NCKAP5: variants seen among roughly 807,000 people sequenced by gnomAD.
The protein encoded by NCKAP5 is NCK associated protein 5, also known as nck-associated protein 5.
Under a neutral mutation model 167.0 loss-of-function variants are expected in NCKAP5, and 92 were observed. The ratio of observed to expected loss-of-function variants is 0.55; its 90% CI spans 0.47 to 0.66. The LOEUF (loss-of-function observed/expected upper bound fraction) is 0.66. Ranked by LOEUF, NCKAP5 falls within the 30% of genes least tolerant of loss-of-function variation. The pLI, the probability that NCKAP5 is intolerant of heterozygous loss-of-function variation, is 0.00. For synonymous variants in NCKAP5, 891 were observed against 877.4 expected (o/e 1.02, Z -0.27); for missense variants, 2,378 against 2,315.0 (o/e 1.03, Z -0.56).
the NCKAP5 span, among the ~76,000 whole-genome samples, chr2:133,616,478 C>T: frequency 6.6e-6 from 1 of 150,802 alleles, no homozygotes. Flanking sequence ...ATATCACCAC[C>T]GATCCCACAG....
chr2:133,465,025 T>A (rs1368112588), intron 3 of NCKAP5, among the ~76,000 whole-genome samples: 3 of 151,902 alleles, frequency 2.0e-5, no homozygotes, highest in African/African-American at 7.3e-5. Flanking sequence ...TTTATTATTA[T>A]ACTTTAAGTT....
At chr2:133,306,522 A>G (rs1194104077) in intron 3 of NCKAP5, among the ~76,000 whole-genome samples, 1 of 152,230 alleles carries the variant, frequency 6.6e-6, no homozygotes, top group Non-Finnish European at 1.5e-5. Flanking sequence ...CATGTGAAGA[A>G]AGTTCTTTTT....
chr2:133,167,328 T>C (rs761551455), intron 5 of NCKAP5, among the ~76,000 whole-genome samples: 21 of 152,166 alleles, frequency 1.4e-4, no homozygotes, highest in Non-Finnish European at 2.9e-4. Context: ...AGATAAATCA[T>C]TGAAGTAAAT....
intron 16 of NCKAP5, 68 bp downstream of exon 16, chr2:132,773,748 C>T: frequency 1.6e-6 from 2 of 1,253,758 alleles, no homozygotes; most frequent in South Asian, 2.6e-5. Context: ...AGGAATGTAC[C>T]ATATCTGGAA....
At chr2:133,163,325 G>A (rs2083873688) in intron 5 of NCKAP5, among the ~76,000 whole-genome samples, 1 of 152,160 alleles carries the variant, frequency 6.6e-6, no homozygotes, top group South Asian at 2.1e-4. Context: ...CAGACACAGG[G>A]CATGAAGCCC....
At chr2:133,493,600 T>G (rs971841030) in intron 3 of NCKAP5, among the ~76,000 whole-genome samples, 1 of 152,168 alleles carries the variant, frequency 6.6e-6, no homozygotes, top group African/African-American at 2.4e-5. Context: ...CAAAAAGGAA[T>G]GAATAAATGA....
At chr2:133,335,658 T>C (rs971674665) in intron 3 of NCKAP5, among the ~76,000 whole-genome samples, 17 of 152,224 alleles carry the variant, frequency 1.1e-4, no homozygotes, top group African/African-American at 4.1e-4. Context: ...TCTTTACTTT[T>C]GCATATTCTA....
chr2:133,112,524 C>T (rs1441390435), intron 6 of NCKAP5, among the ~76,000 whole-genome samples: 1 of 151,844 alleles, frequency 6.6e-6, no homozygotes, highest in Non-Finnish European at 1.5e-5. Flanking sequence ...GACTACATGA[C>T]AATACAGAGG....
At chr2:132,767,192 C>G (rs1229333155) in intron 16 of NCKAP5, among the ~76,000 whole-genome samples, 1 of 152,156 alleles carries the variant, frequency 6.6e-6, no homozygotes, top group Admixed American at 6.5e-5. Flanking sequence ...TTGCTCAAAC[C>G]AGTACCAAGT....
intron 7 of NCKAP5, among the ~76,000 whole-genome samples, chr2:132,975,660 G>T (rs1341480124): frequency 6.6e-6 from 1 of 152,096 alleles, no homozygotes; most frequent in Non-Finnish European, 1.5e-5. Flanking sequence ...TTATGTCCTT[G>T]TAGCCCACGG....
chr2:133,378,402 T>C (rs1448993515), intron 3 of NCKAP5, among the ~76,000 whole-genome samples: 2 of 152,180 alleles, frequency 1.3e-5, no homozygotes, highest in African/African-American at 4.8e-5. Context: ...ACACTAAACA[T>C]CTGAATTATA....
chr2:133,017,778 T>C (rs2078390788), intron 6 of NCKAP5, among the ~76,000 whole-genome samples: 1 of 149,286 alleles, frequency 6.7e-6, no homozygotes, highest in Non-Finnish European at 1.5e-5. Context: ...ATGAAAGCAG[T>C]AACACAAAAG....
intron 15 of NCKAP5, among the ~76,000 whole-genome samples, chr2:132,778,511 A>G (rs1171716782): frequency 6.6e-6 from 1 of 152,162 alleles, no homozygotes; most frequent in African/African-American, 2.4e-5. Flanking sequence ...TCTCATAACT[A>G]TATATAATCT....
At chr2:133,601,394 T>C in the NCKAP5 span, among the ~76,000 whole-genome samples, 2 of 152,196 alleles carry the variant, frequency 1.3e-5, no homozygotes, top group Non-Finnish European at 2.9e-5. Context: ...GTGCCAGGCA[T>C]GCTTCTAGGC....
At chr2:133,319,673 T>C (rs1360057164) in intron 3 of NCKAP5, among the ~76,000 whole-genome samples, 4 of 152,172 alleles carry the variant, frequency 2.6e-5, no homozygotes, top group Non-Finnish European at 5.9e-5. Flanking sequence ...TTAACTATTC[T>C]AATGCTTATT....
At chr2:132,971,424 G>A (rs1395907256) in intron 7 of NCKAP5, among the ~76,000 whole-genome samples, 1 of 152,164 alleles carries the variant, frequency 6.6e-6, no homozygotes, top group African/African-American at 2.4e-5. Flanking sequence ...TTGTCAAGGA[G>A]TTTTGTCTTT....
chr2:133,518,784 C>T (rs1415009639), intron 2 of NCKAP5, among the ~76,000 whole-genome samples: 1 of 152,072 alleles, frequency 6.6e-6, no homozygotes, highest in Non-Finnish European at 1.5e-5. Flanking sequence ...GATTTGGATG[C>T]CATAAATTAC....
intron 3 of NCKAP5, among the ~76,000 whole-genome samples, chr2:133,366,561 C>T (rs1574810681): frequency 6.6e-6 from 1 of 152,144 alleles, no homozygotes; most frequent in Admixed American, 6.5e-5. Context: ...CTCAGCCCCC[C>T]AAAGTGCTGG....
At chr2:132,887,587 C>T (rs1692352667) in intron 8 of NCKAP5, among the ~76,000 whole-genome samples, 1 of 152,156 alleles carries the variant, frequency 6.6e-6, no homozygotes, top group African/African-American at 2.4e-5. Flanking sequence ...TCTCCTAAAG[C>T]TCCCGTGTTC....
Sources: gnomAD v4.1 joint callset for allele counts (sites outside exome capture counted in the v4.1 genomes callset) on GRCh38, gnomAD v4.1.1 for gene constraint, MANE v1.5 for transcripts, NCBI Gene and HGNC (gene_info 2026-07-23, HGNC 2026-07-21) for gene names.